The following FAM222B variants were observed in gnomAD, a reference collection of about 807,000 sequenced individuals.
FAM222B encodes family with sequence similarity 222 member B, also known as protein FAM222B.
A neutral mutation model predicts 38.0 loss-of-function variants in FAM222B; 12 were observed. The ratio of observed to expected loss-of-function variants is 0.32; its 90% CI spans 0.20 to 0.51. FAM222B has a LOEUF of 0.51. Among genes scored for constraint, FAM222B ranks in the 20% least tolerant of loss-of-function variants. The pLI, the probability that FAM222B is intolerant of heterozygous loss-of-function variation, is 0.97. For missense variants in FAM222B, 716 were observed against 754.2 expected, an observed-to-expected ratio of 0.95 and a Z score of 0.59; for synonymous variants, 329 against 317.2, an observed-to-expected ratio of 1.04 and a Z score of -0.40.
At chr17:28,831,095 A>T (rs1391731783) in intron 1 of FAM222B, among the ~76,000 whole-genome samples, 1 of 150,956 alleles carries the variant, frequency 6.6e-6, no homozygotes, top group Non-Finnish European at 1.5e-5. Context: ...CCTGGGTTCA[A>T]GTGATTCTCC....
rs765830401 is a variant in FAM222B at position 28,756,312 on chromosome 17, G to C, written c.*1958C>G. 3 of 152,654 alleles carry C rather than the reference G, an allele frequency of 2.0e-5. No homozygotes were observed. The highest frequency in any genetic ancestry group is 2.9e-5 in the Non-Finnish European group (2 of 68,092). 9.5% of individuals were successfully genotyped at this position (152,654 alleles called of 1,614,324 possible). A position where few individuals can be genotyped will look rare whatever the true frequency, so the allele number is the denominator to read the frequency against. On this transcript the variant is annotated 3_prime_UTR_variant, in exon 3 of 3. Coordinates refer to ENST00000581407, the MANE Select transcript of FAM222B (RefSeq NM_001077498.3). ...TTTTCCATGCAGACTAAGGGTGGGA[G>C]TGAGAGCTTCAGAGGCTTGCACCCC... is the stretch of plus-strand genomic sequence containing the variant.
chr17:28,848,492 G>T (rs999460600), intron 1 of FAM222B, among the ~76,000 whole-genome samples: 1 of 152,120 alleles, frequency 6.6e-6, no homozygotes, highest in Non-Finnish European at 1.5e-5. Context: ...CGGGCACGGT[G>T]GCTCACGCCT....
chr17:28,838,213 G>A (rs542468830), intron 1 of FAM222B, among the ~76,000 whole-genome samples: 3 of 152,100 alleles, frequency 2.0e-5, no homozygotes, highest in African/African-American at 7.2e-5. Context: ...AGCCAGGGAG[G>A]CAGAGGTTGC....
chr17:28,854,529 G>T (rs1362033970), intron 1 of FAM222B, among the ~76,000 whole-genome samples: 3 of 152,160 alleles, frequency 2.0e-5, no homozygotes, highest in Non-Finnish European at 4.4e-5. Context: ...TAAAGCAAAG[G>T]TGCAGACAGC....
In FAM222B at chr17:28,828,703, T is replaced by C. The variant is rs559717077; in HGVS notation, c.-41+13979A>G. ...GAAAATTAAGCTAAAAATTCAAATGTATTTAGGGAATTACATTTCTGGAAT... is the reference window on the plus strand; with the variant it reads ...GAAAATTAAGCTAAAAATTCAAATGCATTTAGGGAATTACATTTCTGGAAT... On this transcript the variant is annotated intron_variant, in intron 1 of 2. Transcript: ENST00000581407. Among the ~76,000 whole-genome samples, 14 of 152,302 alleles carry C rather than the reference T, an allele frequency of 9.2e-5. 1 individual carries two copies. In the South Asian group the frequency reaches 1.2e-3, roughly 14 times the overall value.
chr17:28,843,622 A>G (rs970027705), upstream of FAM222B, among the ~76,000 whole-genome samples: 3 of 150,842 alleles, frequency 2.0e-5, no homozygotes, highest in Non-Finnish European at 4.4e-5. Context: ...TAACTTTTGT[A>G]TTTTTAGTAG....
chr17:28,841,309 T>C (rs34644886), intron 1 of FAM222B, among the ~76,000 whole-genome samples: 29,331 of 152,086 alleles, frequency 0.19, 2,927 homozygotes, highest in South Asian at 0.3. Flanking sequence ...TAAAATAAAA[T>C]ATAATAAACA....
chr17:28,822,835 ATATATATAT>A (rs2038301940), intron 1 of FAM222B, among the ~76,000 whole-genome samples: 2 of 62,136 alleles, frequency 3.2e-5, no homozygotes, highest in African/African-American at 1.7e-4. Flanking sequence ...AAAAAAAAAT[ATATATATAT>A]ATATATATAT....
At chr17:28,785,082 A>G (rs936296978) in intron 1 of FAM222B, among the ~76,000 whole-genome samples, 3 of 152,042 alleles carry the variant, frequency 2.0e-5, no homozygotes, top group African/African-American at 7.2e-5. Context: ...AACAATCCTA[A>G]TCTAGATGGA....
intron 1 of FAM222B, among the ~76,000 whole-genome samples, chr17:28,854,046 C>A (rs1166081545): frequency 6.6e-6 from 1 of 151,710 alleles, no homozygotes; most frequent in Admixed American, 6.6e-5. Context: ...CAGGTTCACG[C>A]CATTCTCCTG....
intron 1 of FAM222B, among the ~76,000 whole-genome samples, chr17:28,829,414 G>A (rs1598035755): frequency 6.8e-6 from 1 of 147,286 alleles, no homozygotes; most frequent in African/African-American, 2.5e-5. Flanking sequence ...CAGGTGATCC[G>A]CCCCAACTCG....
chr17:28,757,206 G>GC lies in FAM222B; in HGVS notation c.*1063_*1064insG, dbSNP rs2034742140. On this transcript the variant is annotated 3_prime_UTR_variant, in exon 3 of 3. Coordinates refer to ENST00000581407, the MANE Select transcript of FAM222B (RefSeq NM_001077498.3). ...TCAAAGAGCTTAAGGCTTTGTGTTTGTTTTTTTTTCCTTCATTAAACTGAG... is the reference window on the plus strand; with the variant it reads ...TCAAAGAGCTTAAGGCTTTGTGTTTGCTTTTTTTTTCCTTCATTAAACTGAG... The GC allele has an allele frequency of 6.6e-6, 1 of 151,012 alleles. No homozygotes were observed. The highest frequency in any genetic ancestry group is 2.4e-5 in the African/African-American group (1 of 40,920). The allele number at this position is 151,012 out of a possible 1,614,324, so 9.4% of individuals were successfully genotyped here. A position where few individuals can be genotyped will look rare whatever the true frequency, so the allele number is the denominator to read the frequency against.
intron 1 of FAM222B, among the ~76,000 whole-genome samples, chr17:28,779,915 G>A (rs1199593694): frequency 1.3e-5 from 2 of 151,748 alleles, no homozygotes; most frequent in African/African-American, 4.8e-5. Context: ...CATACTCAAC[G>A]GTGGACAGCT....
chr17:28,770,280 ATTG>A (rs766429392), intron 1 of FAM222B, among the ~76,000 whole-genome samples: 1 of 152,206 alleles, frequency 6.6e-6, no homozygotes, highest in Non-Finnish European at 1.5e-5. Flanking sequence ...TAAAAGGCAG[ATTG>A]TTATTAATTT....
intron 1 of FAM222B, among the ~76,000 whole-genome samples, chr17:28,815,436 G>T (rs957292181): frequency 6.6e-6 from 1 of 151,504 alleles, no homozygotes; most frequent in Non-Finnish European, 1.5e-5. Context: ...GGATGATCTC[G>T]ATCTCTTGAC....
At chr17:28,853,866 TG>T (rs1236357842) in intron 1 of FAM222B, among the ~76,000 whole-genome samples, 1 of 151,796 alleles carries the variant, frequency 6.6e-6, no homozygotes, top group Non-Finnish European at 1.5e-5. Context: ...CACTCCAGCC[TG>T]GGTGACAGAA....
intron 1 of FAM222B, among the ~76,000 whole-genome samples, chr17:28,802,241 G>A (rs2037271324): frequency 6.6e-6 from 1 of 152,004 alleles, no homozygotes; most frequent in South Asian, 2.1e-4. Context: ...GGGATTACAA[G>A]TGTCTGCCAC....
chr17:28,822,622 A>C (rs1206014636), intron 1 of FAM222B, among the ~76,000 whole-genome samples: 2 of 140,482 alleles, frequency 1.4e-5, no homozygotes, highest in Non-Finnish European at 3.1e-5. Context: ...GCGAAACTCC[A>C]CCACAAAAAA....
At chr17:28,772,844 G>C (rs1308992707) in intron 1 of FAM222B, among the ~76,000 whole-genome samples, 1 of 152,092 alleles carries the variant, frequency 6.6e-6, no homozygotes, top group Non-Finnish European at 1.5e-5. Flanking sequence ...GCAGTGAGCC[G>C]AGATCGCGCC....
Sources: gnomAD v4.1 joint callset for allele counts (sites outside exome capture counted in the v4.1 genomes callset) on GRCh38, gnomAD v4.1.1 for gene constraint, MANE v1.5 for transcripts, NCBI Gene and HGNC (gene_info 2026-07-23, HGNC 2026-07-21) for gene names.